Variants in CNTN4 observed in about 807,000 individuals in gnomAD.
CNTN4 encodes contactin 4.
Under a neutral mutation model 122.5 loss-of-function variants are expected in CNTN4, and 77 were observed. The ratio of observed to expected loss-of-function variants is 0.63; its 90% CI spans 0.52 to 0.76. CNTN4 has a LOEUF of 0.76. CNTN4 is among the 30% of genes least tolerant of loss of function. The pLI, the probability that CNTN4 is intolerant of heterozygous loss-of-function variation, is 0.00. For missense variants in CNTN4, 1,256 were observed against 1,259.1 expected, an observed-to-expected ratio of 1.00 and a Z score of 0.04; for synonymous variants, 512 against 447.0, an observed-to-expected ratio of 1.15 and a Z score of -1.83.
At chr3:2,369,113 C>T (rs1441096035) in intron 3 of CNTN4, among the ~76,000 whole-genome samples, 3 of 151,998 alleles carry the variant, frequency 2.0e-5, no homozygotes, top group South Asian at 4.2e-4. Context: ...TTAGTAGAGA[C>T]ACAGTTTAAC....
intron 3 of CNTN4, among the ~76,000 whole-genome samples, chr3:2,429,860 G>A (rs1180195259): frequency 1.3e-5 from 2 of 152,150 alleles, no homozygotes; most frequent in Non-Finnish European, 2.9e-5. Context: ...GTGAGGCTCC[G>A]TGGGCATGGG....
chr3:2,486,262 C>G (rs2076159295), intron 3 of CNTN4, among the ~76,000 whole-genome samples: 1 of 151,626 alleles, frequency 6.6e-6, no homozygotes. Flanking sequence ...AAACCCTGGA[C>G]ACACCAGCTT....
At position 2,215,838 on chromosome 3, in the gene CNTN4, G is replaced by T. The variant is rs1251170937; in HGVS notation, c.-145+115199G>T. Among the ~76,000 whole-genome samples, 18 of 126,054 alleles carry T rather than the reference G, an allele frequency of 1.4e-4. No homozygotes were observed. In the Admixed American group the frequency reaches 1.7e-3, roughly 12 times the overall value. The allele number at this position is 126,054 out of a possible 152,430, so 82.7% of individuals were successfully genotyped here. The stretch of plus-strand genomic sequence containing the variant: ...TTAGAGGTTGCAGTGAGCCGAGACT[G>T]TGCCACTGCACTCCAGCCTGTGTGA... On this transcript the variant is annotated intron_variant, in intron 2 of 24. Coordinates refer to ENST00000418658, the MANE Select transcript of CNTN4 (RefSeq NM_175607.3).
intron 12 of CNTN4, among the ~76,000 whole-genome samples, chr3:2,907,453 G>A (rs528552527): frequency 4.9e-4 from 74 of 151,894 alleles, no homozygotes; most frequent in African/African-American, 1.6e-3. Flanking sequence ...CATGCTTGTC[G>A]TCCCAGCTAT....
chr3:2,145,440 G>A (rs903676222), intron 2 of CNTN4, among the ~76,000 whole-genome samples: 14 of 152,164 alleles, frequency 9.2e-5, no homozygotes, highest in African/African-American at 2.9e-4. Flanking sequence ...GAGATTCAAG[G>A]CTTTGCTAGT....
chr3:2,472,907 G>A (rs1026777534), intron 3 of CNTN4, among the ~76,000 whole-genome samples: 5 of 152,126 alleles, frequency 3.3e-5, no homozygotes, highest in Non-Finnish European at 7.4e-5. Flanking sequence ...TAGGAGTGTG[G>A]TGAGTCAATA....
chr3:2,544,503 TTAAA>T (rs918926954), intron 3 of CNTN4, among the ~76,000 whole-genome samples: 103 of 152,226 alleles, frequency 6.8e-4, no homozygotes, highest in African/African-American at 2.4e-3. Flanking sequence ...TACATTTTAA[TTAAA>T]TAAAAACAAT....
Position 2,229,675 on chromosome 3 carries a change from T to C in CNTN4, c.-144-109503T>C, listed in dbSNP as rs573358180. Among the ~76,000 whole-genome samples, 4 of 152,312 alleles carry C rather than the reference T, an allele frequency of 2.6e-5. No individual in the cohort carries two copies. The South Asian group carries it at 8.3e-4, about 32-fold the overall frequency. On this transcript the variant is annotated intron_variant, in intron 2 of 24. Transcript: ENST00000418658. ...ATAGTAAATAAATAAGAGTAAGTAT[T>C]ATTATTTTAACTAATATTTACTGAG...
At chr3:2,616,665 G>A (rs35058156) in intron 4 of CNTN4, among the ~76,000 whole-genome samples, 62,696 of 151,874 alleles carry the variant, frequency 0.41, 14,180 homozygotes, top group Non-Finnish European at 0.52. Context: ...TTTAATAATC[G>A]CCATTCTGAC....
intron 13 of CNTN4, among the ~76,000 whole-genome samples, chr3:2,945,994 AG>A: frequency 6.6e-6 from 1 of 152,370 alleles, no homozygotes; most frequent in East Asian, 1.9e-4. Flanking sequence ...AGTAGGGTCC[AG>A]AGAGTCTCAT....
chr3:2,304,222 A>G (rs948028790), intron 2 of CNTN4, among the ~76,000 whole-genome samples: 3 of 152,162 alleles, frequency 2.0e-5, no homozygotes, highest in African/African-American at 7.2e-5. Context: ...TTAGATTTAT[A>G]TGCTTATTAA....
In CNTN4 at chr3:3,053,709, G is replaced by A. The variant is rs112327761; in HGVS notation, c.2812-98G>A. 2,987 of 1,240,936 alleles carry A rather than the reference G, an allele frequency of 2.4e-3. 54 individuals carry two copies. In the African/African-American group the frequency reaches 0.04, roughly 16 times the overall value. The allele number at this position is 1,240,936 out of a possible 1,614,324, so 76.9% of individuals were successfully genotyped here. On this transcript the variant is annotated intron_variant, in intron 23 of 24. Coordinates refer to ENST00000418658, the MANE Select transcript of CNTN4 (RefSeq NM_175607.3). ...GCAGCCAGACAACCTCTACATCCCTGCATTTTGCTCGTGCCCAGAGGTGAA... is the reference window on the plus strand; with the variant it reads ...GCAGCCAGACAACCTCTACATCCCTACATTTTGCTCGTGCCCAGAGGTGAA...
chr3:2,683,187 G>T (rs1284422072), intron 4 of CNTN4, among the ~76,000 whole-genome samples: 1 of 152,100 alleles, frequency 6.6e-6, no homozygotes, highest in African/African-American at 2.4e-5. Flanking sequence ...CTTGGGTATA[G>T]TTATTTTCAG....
intron 4 of CNTN4, among the ~76,000 whole-genome samples, chr3:2,687,634 C>T (rs2085505609): frequency 6.6e-6 from 1 of 152,132 alleles, no homozygotes; most frequent in Non-Finnish European, 1.5e-5. Flanking sequence ...CGAACAAGAT[C>T]CTGTCTCAAA....
chr3:2,480,355 G>A (rs187389602), intron 3 of CNTN4, among the ~76,000 whole-genome samples: 3 of 152,246 alleles, frequency 2.0e-5, no homozygotes, highest in Non-Finnish European at 4.4e-5. Flanking sequence ...GACTACCTAT[G>A]TAGAAAATTC....
intron 7 of CNTN4, among the ~76,000 whole-genome samples, chr3:2,852,322 T>C (rs187793149): frequency 1.4e-3 from 213 of 152,228 alleles, no homozygotes; most frequent in African/African-American, 5.0e-3. Context: ...GAAATAACTT[T>C]AGGAAAATAA....
chr3:2,686,606 C>G (rs761807049), intron 4 of CNTN4, among the ~76,000 whole-genome samples: 3 of 152,150 alleles, frequency 2.0e-5, no homozygotes, highest in Non-Finnish European at 4.4e-5. Context: ...CACAATCAAG[C>G]TAATGAACAT....
chr3:2,435,763 A>C (rs1298769875), intron 3 of CNTN4, among the ~76,000 whole-genome samples: 1 of 152,202 alleles, frequency 6.6e-6, no homozygotes. Context: ...GGTTATTTAA[A>C]AATAAAACCT....
At chr3:2,158,069 A>G (rs1396807307) in intron 2 of CNTN4, among the ~76,000 whole-genome samples, 2 of 150,452 alleles carry the variant, frequency 1.3e-5, no homozygotes, top group African/African-American at 4.8e-5. Context: ...CCAGGATTTC[A>G]TACATATGTT....
Sources: allele counts gnomAD v4.1 joint callset (sites outside exome capture counted in the v4.1 genomes callset), GRCh38; gene constraint gnomAD v4.1.1; transcripts MANE v1.5; gene names NCBI Gene and HGNC (gene_info 2026-07-23, HGNC 2026-07-21).